AKAP13: variants seen among roughly 807,000 people sequenced by gnomAD.
AKAP13 encodes the protein A-kinase anchor protein 13.
Under a neutral mutation model 264.5 loss-of-function variants are expected in AKAP13, and 80 were observed. That is an observed-to-expected ratio of 0.30 (90% CI 0.25 to 0.36). AKAP13 has a LOEUF of 0.36. AKAP13 is among the 10% of genes least tolerant of loss of function. The pLI, the probability that AKAP13 is intolerant of heterozygous loss-of-function variation, is 1.00. For missense variants in AKAP13, 3,712 were observed against 3,435.2 expected (o/e 1.08, Z -2.01); for synonymous variants, 1,380 against 1,250.2 (o/e 1.10, Z -2.19).
intron 1 of AKAP13, among the ~76,000 whole-genome samples, chr15:85,429,156 T>C (rs2072922327): frequency 6.6e-6 from 1 of 152,232 alleles, no homozygotes; most frequent in South Asian, 2.1e-4. Flanking sequence ...GCCTAACTAC[T>C]ACCATTTTTC....
chr15:85,493,713 T>G (rs1196939695), intron 2 of AKAP13, among the ~76,000 whole-genome samples: 1 of 152,202 alleles, frequency 6.6e-6, no homozygotes, highest in African/African-American at 2.4e-5. Context: ...CTTCTATTTT[T>G]TATGAACATA....
chr15:85,531,768 G>A (rs529654248), intron 3 of AKAP13, among the ~76,000 whole-genome samples: 42 of 152,230 alleles, frequency 2.8e-4, no homozygotes, highest in Non-Finnish European at 5.4e-4. Flanking sequence ...GGCAGTGGGA[G>A]TATCGTGTGG....
rs1192384067 is a variant in AKAP13, at chr15:85,743,686, CCAGA to C, written c.8256_8259del (p.Asn2754LysfsTer22). Reference sequence around the variant, plus strand: ...CTTTTCACATACTGAGTTCAACCAGCCAGACAAACAAAGGACCAGAAGGGCAGAG... The same window carrying C: ...CTTTTCACATACTGAGTTCAACCAGCCAAACAAAGGACCAGAAGGGCAGAG... On this transcript the variant is annotated frameshift_variant, in exon 36 of 37. Coordinates refer to ENST00000394518, the MANE Select transcript of AKAP13 (RefSeq NM_007200.5). LOFTEE classifies it high-confidence loss of function. 4.3e-6 allele frequency: 7 copies of C among 1,614,166 alleles called. No homozygotes were observed. Among genetic ancestry groups the C allele is most frequent in the South Asian group, 3.3e-5 (3 of 91,072 alleles).
At chr15:85,478,442 T>A (rs1596301024) in intron 1 of AKAP13, among the ~76,000 whole-genome samples, 2 of 152,334 alleles carry the variant, frequency 1.3e-5, no homozygotes, top group Admixed American at 1.3e-4. Flanking sequence ...TGTATTTCAT[T>A]ATTGTAAGAG....
At chr15:85,605,076 G>T (rs1360898855) in intron 8 of AKAP13, among the ~76,000 whole-genome samples, 1 of 150,996 alleles carries the variant, frequency 6.6e-6, no homozygotes, top group South Asian at 2.1e-4. Context: ...AATCCCCATG[G>T]ATTACCTAAT....
At chr15:85,707,940 A>G (rs1190647523) in intron 17 of AKAP13, 79 bp from the exon 18 acceptor site, 2 of 1,443,518 alleles carry the variant, frequency 1.4e-6, no homozygotes, top group East Asian at 2.3e-5. Flanking sequence ...TTCAGAGGCC[A>G]CTTGTGGCAG....
intron 14 of AKAP13, among the ~76,000 whole-genome samples, chr15:85,670,194 A>T (rs1354142915): frequency 1.3e-5 from 2 of 152,160 alleles, no homozygotes; most frequent in East Asian, 3.9e-4. Flanking sequence ...CTTCACGTCC[A>T]GTCCTCAAAT....
At chr15:85,464,014 T>G (rs2074628020) in intron 1 of AKAP13, among the ~76,000 whole-genome samples, 1 of 152,194 alleles carries the variant, frequency 6.6e-6, no homozygotes. Context: ...AGTTTTGAAT[T>G]ACTGCTCCCG....
intron 6 of AKAP13, among the ~76,000 whole-genome samples, chr15:85,576,345 G>C (rs1488537936): frequency 6.6e-6 from 1 of 152,010 alleles, no homozygotes; most frequent in African/African-American, 2.4e-5. Flanking sequence ...TTTAAATATA[G>C]TGTTACTATA....
intron 1 of AKAP13, among the ~76,000 whole-genome samples, chr15:85,474,938 G>A (rs1337746771): frequency 3.3e-5 from 5 of 152,184 alleles, no homozygotes; most frequent in Admixed American, 6.5e-5. Context: ...GTGAGAAGGT[G>A]GGCCGTGCCT....
intron 2 of AKAP13, among the ~76,000 whole-genome samples, chr15:85,509,584 TG>T (rs2076351136): frequency 1.3e-5 from 2 of 152,202 alleles, no homozygotes; most frequent in Admixed American, 1.3e-4. Flanking sequence ...TGCTTTGCTG[TG>T]ACCGTGCCTT....
At chr15:85,493,315 A>T (rs2075785881) in intron 2 of AKAP13, among the ~76,000 whole-genome samples, 1 of 152,238 alleles carries the variant, frequency 6.6e-6, no homozygotes, top group African/African-American at 2.4e-5. Flanking sequence ...AATGAAATTC[A>T]CTTCATTTTG....
chr15:85,620,128 G>A, intron 8 of AKAP13: 1 of 1,536,090 alleles, frequency 6.5e-7, no homozygotes, highest in South Asian at 1.2e-5. Flanking sequence ...CAGCCTCTGT[G>A]ACATCTCCAA....
intron 5 of AKAP13, among the ~76,000 whole-genome samples, chr15:85,572,742 C>T (rs1460627281): frequency 1.3e-5 from 2 of 151,878 alleles, no homozygotes; most frequent in African/African-American, 4.8e-5. Context: ...CATAGGTATA[C>T]ACGTGCCGTG....
At position 85,546,321 on chromosome 15, in the gene AKAP13, A is replaced by AATACACACACAC. The variant is rs375341311; in HGVS notation, c.662+2367_662+2368insTACACACACACA. On this transcript the variant is annotated intron_variant, in intron 5 of 36. Transcript: ENST00000394518. ...TAAATTTATATAATTGTTGTTACCA[A>AATACACACACAC]ACACACACACACACACACACACACA... 6.3e-4 allele frequency among the ~76,000 whole-genome samples: 91 copies of AATACACACACAC among 145,282 alleles called. 1 individual carries two copies. Among genetic ancestry groups the AATACACACACAC allele is most frequent in the Middle Eastern group, 3.5e-3 (1 of 286 alleles).
chr15:85,683,975 T>C (rs1248062035), intron 15 of AKAP13, among the ~76,000 whole-genome samples: 1 of 152,208 alleles, frequency 6.6e-6, no homozygotes, highest in African/African-American at 2.4e-5. Context: ...CCTAGCTGCA[T>C]GGACCAGTCC....
At chr15:85,631,818 T>A (rs775554189) in intron 8 of AKAP13, among the ~76,000 whole-genome samples, 15 of 152,214 alleles carry the variant, frequency 9.9e-5, no homozygotes, top group Non-Finnish European at 2.1e-4. Context: ...CTATTTTTTG[T>A]ATCAGCCTGA....
rs1256961039 is a variant in AKAP13 at position 85,739,562 on chromosome 15, C to T, written c.7558-660C>T. On this transcript the variant is annotated intron_variant, in intron 33 of 36. Transcript: ENST00000394518. ...TCTTTGCCTTTTAATTTTAATTTTA[C>T]ATTTTTACATAGAAATTTTTGAAAA... 2.0e-5 allele frequency among the ~76,000 whole-genome samples: 3 copies of T among 151,940 alleles called. No individual in the cohort carries two copies. In the East Asian group the frequency reaches 5.8e-4, roughly 29 times the overall value.
intron 1 of AKAP13, among the ~76,000 whole-genome samples, chr15:85,402,900 A>C (rs886239517): frequency 2.6e-5 from 4 of 152,184 alleles, no homozygotes; most frequent in Non-Finnish European, 5.9e-5. Context: ...GCCTTTCTTA[A>C]AGTTACAGGA....
Sources: gnomAD v4.1 joint callset for allele counts (sites outside exome capture counted in the v4.1 genomes callset) on GRCh38, gnomAD v4.1.1 for gene constraint, MANE v1.5 for transcripts, NCBI Gene and HGNC (gene_info 2026-07-23, HGNC 2026-07-21) for gene names.